Variants in BLZF1 observed in about 807,000 individuals in gnomAD.
BLZF1 encodes basic leucine zipper nuclear factor 1.
Under a neutral mutation model 43.8 loss-of-function variants are expected in BLZF1, and 39 were observed. The observed-to-expected ratio is 0.89, with a 90% CI of 0.69 to 1.16. The LOEUF is 1.16. BLZF1 is among the 50% of genes most tolerant of loss of function. The probability of loss-of-function intolerance (pLI) is 0.00; values close to 1 mark genes in which losing one functional copy is unlikely to be tolerated. For missense variants in BLZF1, 449 were observed against 469.8 expected, an observed-to-expected ratio of 0.96 and a Z score of 0.41; for synonymous variants, 136 against 159.4, an observed-to-expected ratio of 0.85 and a Z score of 1.11.
At chr1:169,390,581 T>G (rs1404786818), downstream of BLZF1, among the ~76,000 whole-genome samples, 2 of 152,160 alleles carry the variant, frequency 1.3e-5, no homozygotes, top group Non-Finnish European at 2.9e-5. Context: ...AGACATGTAT[T>G]AGTCCACTCT....
At chr1:169,374,578 A>G (rs1449829683) in intron 2 of BLZF1, among the ~76,000 whole-genome samples, 1 of 152,166 alleles carries the variant, frequency 6.6e-6, no homozygotes, top group East Asian at 1.9e-4. Context: ...CACATTAATT[A>G]TACCTCAGCT....
At chr1:169,377,906 A>G (rs1295441242) in intron 3 of BLZF1, among the ~76,000 whole-genome samples, 1 of 152,036 alleles carries the variant, frequency 6.6e-6, no homozygotes, top group Non-Finnish European at 1.5e-5. Flanking sequence ...ATACTGGATT[A>G]CTTTGCTTTA....
rs1571441819 is a variant in BLZF1 at position 169,382,255 on chromosome 1, A to G, written c.991A>G (p.Thr331Ala). Residue 331 changes from threonine to alanine, a missense_variant, in exon 6 of 7, where the codon ACC (threonine) becomes GCC (alanine). Physicochemically the swap from Thr to Ala is moderately conservative, Grantham distance 58. Transcript: ENST00000367808. The stretch of plus-strand genomic sequence containing the variant: ...TCCATCAACAGTTGAATTCTGCAGC[A>G]CCCCAGCTGAGAAAATGGCTGAAAC... ...KIPSTVEFCSTPAEKMAETVL... is the reference protein window; with the variant it reads ...KIPSTVEFCSAPAEKMAETVL... 1 of 1,613,592 alleles carries G rather than the reference A, an allele frequency of 6.2e-7. No individual in the cohort carries two copies. The highest frequency in any genetic ancestry group is 2.2e-5 in the East Asian group (1 of 44,872).
At chr1:169,388,955 C>G (rs560727506), downstream of BLZF1, among the ~76,000 whole-genome samples, 30 of 152,164 alleles carry the variant, frequency 2.0e-4, 1 homozygote, top group African/African-American at 6.7e-4. Context: ...ACCCCCGTCT[C>G]TACTAAAAAT....
intron 6 of BLZF1, 78 bp downstream of exon 6, chr1:169,382,359 T>G: frequency 7.8e-7 from 1 of 1,278,902 alleles, no homozygotes; most frequent in Non-Finnish European, 1.1e-6. Flanking sequence ...ATGGAAAGCA[T>G]TTGGCATTAG....
intron 2 of BLZF1, among the ~76,000 whole-genome samples, chr1:169,370,005 C>G (rs1654054273): frequency 1.3e-5 from 2 of 152,154 alleles, no homozygotes; most frequent in Admixed American, 1.3e-4. Context: ...GGCTAGAAGT[C>G]CAAGATGAAA....
exon 8 of BLZF1, chr1:169,395,900 CAACTA>C (rs1294226446): frequency 7.2e-6 from 1 of 138,672 alleles, no homozygotes; most frequent in African/African-American, 2.6e-5. Context: ...TCAGAATAAA[CAACTA>C]AATAACTGTA....
chr1:169,376,678 C>T lies in BLZF1; in HGVS notation c.167C>T (p.Pro56Leu). 6.2e-7 allele frequency: 1 copy of T among 1,613,406 alleles called. No homozygotes were observed. Among genetic ancestry groups the T allele is most frequent in the Non-Finnish European group, 8.5e-7 (1 of 1,179,596 alleles). Residue 56 changes from proline to leucine, a missense_variant, in exon 3 of 7, where the codon CCA (proline) becomes CTA (leucine). By Grantham distance (98) the Pro-to-Leu change is moderately conservative. Coordinates refer to ENST00000367808, the MANE Select transcript of BLZF1 (RefSeq NM_001320973.2). ...SLQSPWKKAV[P>L]SESPGVLQLG... ...CAGAGTCCATGGAAGAAAGCAGTTC[C>T]ATCAGAGAGCCCAGGAGTTCTTCAG...
At chr1:169,369,399 T>C (rs1373082341) in intron 1 of BLZF1, 74 bp from the exon 2 acceptor site, 3 of 722,274 alleles carry the variant, frequency 4.2e-6, no homozygotes, top group Non-Finnish European at 6.6e-6. Context: ...TAAAATATCA[T>C]AACTTTTAAA....
At chr1:169,383,946 C>A (rs149815557) in intron 6 of BLZF1, among the ~76,000 whole-genome samples, 4 of 152,206 alleles carry the variant, frequency 2.6e-5, no homozygotes, top group Non-Finnish European at 5.9e-5. Flanking sequence ...TTCTGTTTAC[C>A]ATAGCTTTAT....
chr1:169,383,573 G>C (rs1654586584), intron 6 of BLZF1, among the ~76,000 whole-genome samples: 1 of 152,008 alleles, frequency 6.6e-6, no homozygotes, highest in Non-Finnish European at 1.5e-5. Context: ...TAGACTTCCT[G>C]CCCCACTATT....
At chr1:169,377,948 C>T (rs1337487542) in intron 3 of BLZF1, among the ~76,000 whole-genome samples, 1 of 151,960 alleles carries the variant, frequency 6.6e-6, no homozygotes, top group East Asian at 1.9e-4. Flanking sequence ...GGATGCAATA[C>T]ACTAACTTAT....
At chr1:169,383,117 G>C (rs1654574100) in intron 6 of BLZF1, among the ~76,000 whole-genome samples, 1 of 152,090 alleles carries the variant, frequency 6.6e-6, no homozygotes, top group Non-Finnish European at 1.5e-5. Flanking sequence ...TGTCAGTTCA[G>C]CTGTTTGCCT....
intron 7 of BLZF1, chr1:169,395,068 A>G (rs1051288646): frequency 1.3e-6 from 2 of 1,598,824 alleles, no homozygotes; most frequent in African/African-American, 1.4e-5. Context: ...GATCAGTAAA[A>G]CGAAAAGGTT....
In BLZF1 at chr1:169,381,731, T is replaced by G. The variant is rs557387167; in HGVS notation, c.798-331T>G. Among the ~76,000 whole-genome samples the G allele has an allele frequency of 8.5e-5, 13 of 152,236 alleles. 1 individual carries two copies. The South Asian group carries it at 2.7e-3, about 32-fold the overall frequency. ...TGTAGATTGGTTTAGCATTCAAGAA[T>G]CAATTAATGTAACTCACCAAAAAAG... is the stretch of plus-strand genomic sequence containing the variant. On this transcript the variant is annotated intron_variant, in intron 5 of 6. Coordinates refer to ENST00000367808, the MANE Select transcript of BLZF1 (RefSeq NM_001320973.2).
rs1654706344 is a variant in BLZF1, at chr1:169,387,347, TAATA to T, written c.*170_*173del. The T allele has an allele frequency of 1.8e-6, 1 of 569,134 alleles. No homozygotes were observed. The highest frequency in any genetic ancestry group is 2.0e-5 in the African/African-American group (1 of 50,714). 35.3% of individuals were successfully genotyped at this position (569,134 alleles called of 1,614,324 possible). The stretch of plus-strand genomic sequence containing the variant: ...TACTAGACTCCAGATTACCCTTTCT[TAATA>T]AATATCTCAGGGTAAGGAAAGAAAG... On this transcript the variant is annotated 3_prime_UTR_variant, in exon 7 of 7. Transcript: ENST00000367808.
chr1:169,393,960 C>T (rs1375708762), intron 7 of BLZF1, among the ~76,000 whole-genome samples: 1 of 152,276 alleles, frequency 6.6e-6, no homozygotes, highest in East Asian at 1.9e-4. Context: ...TTCTCCATCA[C>T]ACTTGTATGC....
At chr1:169,368,439 A>ATTG (rs3835450) in intron 1 of BLZF1, 97 bp downstream of exon 1, 81,025 of 151,700 alleles carry the variant, frequency 0.53, 22,455 homozygotes, top group Non-Finnish European at 0.6. Flanking sequence ...TTAGGGAAAG[A>ATTG]TTGTTCCGGG....
chr1:169,384,380 C>T (rs990172873), intron 6 of BLZF1, among the ~76,000 whole-genome samples: 6 of 152,150 alleles, frequency 3.9e-5, no homozygotes, highest in Admixed American at 1.3e-4. Flanking sequence ...TCACTGATAT[C>T]CCTGCCCTCC....
Sources: allele counts gnomAD v4.1 joint callset (sites outside exome capture counted in the v4.1 genomes callset), GRCh38; gene constraint gnomAD v4.1.1; transcripts MANE v1.5; gene names NCBI Gene and HGNC (gene_info 2026-07-23, HGNC 2026-07-21).